Variants in DHX58 observed in about 807,000 individuals in gnomAD.
DHX58 encodes the protein DExH-box helicase 58.
In DHX58, 51 loss-of-function variants were observed where a neutral mutation model predicts 65.0. The observed-to-expected ratio is 0.78, with a 90% CI of 0.63 to 0.99. DHX58 has a LOEUF of 0.99. Ranked by LOEUF, DHX58 falls within the 50% of genes least tolerant of loss-of-function variation. DHX58 has a pLI of 0.00. For missense variants in DHX58, 773 were observed against 891.8 expected (o/e 0.87, Z 1.70); for synonymous variants, 350 against 365.0 (o/e 0.96, Z 0.47).
intron 11 of DHX58, 62 bp from the exon 12 acceptor site, chr17:42,103,860 A>C (rs2143987229): frequency 1.3e-6 from 2 of 1,520,564 alleles, no homozygotes; most frequent in East Asian, 4.5e-5. Flanking sequence ...TGGGGGACAA[A>C]AGGTTCCCAA....
chr17:42,111,987 A>C, intron 2 of DHX58, 94 bp from the exon 3 acceptor site: 4 of 1,445,118 alleles, frequency 2.8e-6, no homozygotes, highest in East Asian at 2.3e-5. Context: ...TTTGCCCAGG[A>C]CTCCACCCCA....
At position 42,102,324 on chromosome 17, in the gene DHX58, G is replaced by T; in HGVS notation, c.1755-12C>A. The T allele has an allele frequency of 6.2e-7, 1 of 1,611,226 alleles. No individual in the cohort carries two copies. Among genetic ancestry groups the T allele is most frequent in the Non-Finnish European group, 8.5e-7 (1 of 1,177,522 alleles). ...CATTATAGTAGTTCCTGGAGAGGAA[G>T]GGGGGTGGCCACAGCCCTCATTGAC... On this transcript the variant is annotated splice_polypyrimidine_tract_variant and intron_variant, in intron 12 of 13. Coordinates refer to ENST00000251642, the MANE Select transcript of DHX58 (RefSeq NM_024119.3).
chr17:42,103,631 A>G lies in DHX58; in HGVS notation c.1731T>C (p.His577=), dbSNP rs1555661945. ...SDLRKVEGTH[H]VNVNPNFSNY... Reference sequence around the variant, plus strand: ...ACGAGAAGTTGGGGTTCACATTGACATGGTGGGTGCCCTCCACCTTCCGCA... The same window carrying G: ...ACGAGAAGTTGGGGTTCACATTGACGTGGTGGGTGCCCTCCACCTTCCGCA... The change falls in exon 12 of 14, where the codon CAT becomes CAC. Residue 577 remains histidine, a synonymous_variant. Coordinates refer to ENST00000251642, the MANE Select transcript of DHX58 (RefSeq NM_024119.3). The G allele has an allele frequency of 6.2e-7, 1 of 1,613,926 alleles. No individual in the cohort carries two copies. The highest frequency in any genetic ancestry group is 2.2e-5 in the East Asian group (1 of 44,896).
intron 6 of DHX58, 85 bp from the exon 7 acceptor site, chr17:42,108,193 C>T: frequency 6.3e-7 from 1 of 1,588,174 alleles, no homozygotes; most frequent in Non-Finnish European, 8.6e-7. Flanking sequence ...GCGTGTAGCA[C>T]ACCGCGACTG....
At chr17:42,104,977 G>A in intron 10 of DHX58, 41 bp downstream of exon 10, 1 of 1,612,762 alleles carries the variant, frequency 6.2e-7, no homozygotes, top group South Asian at 1.1e-5. Flanking sequence ...GCCCCACACA[G>A]GATCCTATAA....
rs781908050 is a variant in DHX58 at position 42,107,799 on chromosome 17, C to A, written c.806-4G>T. On this transcript the variant is annotated splice_polypyrimidine_tract_variant and splice_region_variant and intron_variant, in intron 7 of 13. Transcript: ENST00000251642. ...TCCTGAAGCCCAGCCAAAGCCGCTG[C>A]GGGAAGAGGGCGCAGGGTCTGAGCA... 1 of 1,567,618 alleles carries A rather than the reference C, an allele frequency of 6.4e-7. No individual in the cohort carries two copies. The highest frequency in any genetic ancestry group is 2.3e-5 in the East Asian group (1 of 42,766).
rs1233362283 is a variant in DHX58, at chr17:42,111,400, C to T, written c.266G>A (p.Gly89Asp). Reference sequence around the variant, plus strand: ...ATGGCACCGGGCCAGGTGGCCAAAGCCAGCACGTGGTCCCATGTCCCCACT... The same window carrying T: ...ATGGCACCGGGCCAGGTGGCCAAAGTCAGCACGTGGTCCCATGTCCCCACT... ...TLSGDMGPRAGFGHLARCHDL... is the reference protein window; with the variant it reads ...TLSGDMGPRADFGHLARCHDL... Residue 89 changes from glycine (G) to aspartate (D), a missense_variant, in exon 4 of 14, where the codon GGC (glycine) becomes GAC (aspartate). Coordinates refer to ENST00000251642, the MANE Select transcript of DHX58 (RefSeq NM_024119.3). The T allele has an allele frequency of 6.2e-7, 1 of 1,614,088 alleles. No individual in the cohort carries two copies. Among genetic ancestry groups the T allele is most frequent in the African/African-American group, 1.3e-5 (1 of 74,944 alleles).
rs996683567 is a variant in DHX58 at position 42,102,270 on chromosome 17, T to A, written c.1797A>T (p.Lys599Asn). Residue 599 changes from lysine to asparagine, a missense_variant, in exon 13 of 14, where the codon AAA becomes AAT. Coordinates refer to ENST00000251642, the MANE Select transcript of DHX58 (RefSeq NM_024119.3). ...CCCCAGGCTTCCAGTCCTTGAAGAC[T>A]TTGTTGATGACCACAGGATCCCTGG... is the stretch of plus-strand genomic sequence containing the variant. ...NVSRDPVVIN[K>N]VFKDWKPGGV... is the part of the protein sequence containing the mutation. 6.2e-7 allele frequency: 1 copy of A among 1,614,046 alleles called. No individual in the cohort carries two copies. The highest frequency in any genetic ancestry group is 1.3e-5 in the African/African-American group (1 of 74,912).
intron 12 of DHX58, 93 bp from the exon 13 acceptor site, chr17:42,102,405 T>C: frequency 9.1e-7 from 1 of 1,096,730 alleles, no homozygotes; most frequent in East Asian, 2.4e-5. Context: ...GCCTGGACCT[T>C]GGGCCTTCCT....
Position 42,101,723 on chromosome 17 carries a change from C to T in DHX58, c.*38G>A. On this transcript the variant is annotated 3_prime_UTR_variant, in exon 14 of 14. Transcript: ENST00000251642. ...GGAGTCTGCTGCAGACTCTCCCGCC[C>T]CCTACAGCCCAAACCGGGCACTGCA... is the stretch of plus-strand genomic sequence containing the variant. The T allele has an allele frequency of 6.2e-7, 1 of 1,604,146 alleles. No homozygotes were observed.
chr17:42,106,016 G>A (rs532841654), intron 8 of DHX58, 27 bp from the exon 9 acceptor site: 3 of 1,597,966 alleles, frequency 1.9e-6, no homozygotes, highest in Admixed American at 3.4e-5. Flanking sequence ...AATTTAGCTG[G>A]GTGTAGTGGC....
At chr17:42,108,260 T>G (rs1598218776) in intron 6 of DHX58, 152 bp from the exon 7 acceptor site, 1 of 1,241,524 alleles carries the variant, frequency 8.1e-7, no homozygotes. Context: ...GGCTAGGGTG[T>G]GGGGGAGTCC....
chr17:42,101,675 G>T lies in DHX58; in HGVS notation c.*86C>A. The stretch of plus-strand genomic sequence containing the variant: ...GCTGGTGGGCCTGATGCCCACAGCT[G>T]ATGATTCAGGAAGGAGGGGCCTGGA... On this transcript the variant is annotated 3_prime_UTR_variant, in exon 14 of 14. Coordinates refer to ENST00000251642, the MANE Select transcript of DHX58 (RefSeq NM_024119.3). The T allele has an allele frequency of 6.5e-7, 1 of 1,529,244 alleles. No homozygotes were observed. The highest frequency in any genetic ancestry group is 8.9e-7 in the Non-Finnish European group (1 of 1,127,836). 94.7% of individuals were successfully genotyped at this position (1,529,244 alleles called of 1,614,324 possible).
In DHX58 at chr17:42,102,229, C is replaced by T. The variant is rs1296525755; in HGVS notation, c.1838G>A (p.Arg613Lys). The stretch of plus-strand genomic sequence containing the variant: ...CTAAGCTCTTACCTCCCCACAGTTC[C>T]TGCAGCTGATGACACCCCCAGGCTT... ...DWKPGGVISCRNCGEVWGLQM... is the reference protein window; with the variant it reads ...DWKPGGVISCKNCGEVWGLQM... Residue 613 changes from arginine to lysine, a missense_variant, in exon 13 of 14, where the codon AGG (arginine) becomes AAG (lysine). Transcript: ENST00000251642. 6.2e-7 allele frequency: 1 copy of T among 1,614,084 alleles called. No homozygotes were observed. The highest frequency in any genetic ancestry group is 8.5e-7 in the Non-Finnish European group (1 of 1,180,030).
intron 12 of DHX58, chr17:42,103,366 A>C: frequency 1.8e-6 from 1 of 547,514 alleles, no homozygotes; most frequent in Non-Finnish European, 3.2e-6. Context: ...TAGTATCCTG[A>C]ATTCCAGTTC....
Position 42,109,263 on chromosome 17 carries a change from C to G in DHX58, c.678+7G>C. The G allele has an allele frequency of 6.2e-7, 1 of 1,608,178 alleles. No individual in the cohort carries two copies. Among genetic ancestry groups the G allele is most frequent in the Non-Finnish European group, 8.5e-7 (1 of 1,176,728 alleles). ...CCCGCTCTCGCCGTGTCCCTGCCCCCGCGTACCTGGCTGCGCCTGTGGCAG... is the reference window on the plus strand; with the variant it reads ...CCCGCTCTCGCCGTGTCCCTGCCCCGGCGTACCTGGCTGCGCCTGTGGCAG... On this transcript the variant is annotated splice_region_variant and intron_variant, in intron 6 of 13. Transcript: ENST00000251642.
chr17:42,107,585 G>GCCCCC lies in DHX58; in HGVS notation c.997+14_997+18dup. On this transcript the variant is annotated intron_variant, in intron 8 of 13. Coordinates refer to ENST00000251642, the MANE Select transcript of DHX58 (RefSeq NM_024119.3). Reference sequence around the variant, plus strand: ...AGGTCCCATCATCCCCGGCCCCGAAGCCCCCTCCCGCCCCTCACCATCGAA... The same window carrying GCCCCC: ...AGGTCCCATCATCCCCGGCCCCGAAGCCCCCCCCCCTCCCGCCCCTCACCATCGAA... 2 of 1,193,364 alleles carry GCCCCC rather than the reference G, an allele frequency of 1.7e-6. No homozygotes were observed. The highest frequency in any genetic ancestry group is 2.3e-6 in the Non-Finnish European group (2 of 854,252). The allele number at this position is 1,193,364 out of a possible 1,614,324, so 73.9% of individuals were successfully genotyped here. A position where few individuals can be genotyped will look rare whatever the true frequency, so the allele number is the denominator to read the frequency against.
intron 12 of DHX58, 169 bp from the exon 13 acceptor site, chr17:42,102,481 G>A (rs924382283): frequency 1.5e-5 from 9 of 608,784 alleles, no homozygotes; most frequent in Non-Finnish European, 2.6e-5. Flanking sequence ...TACCTGTGTG[G>A]CCTCCATCGC....
chr17:42,110,044 G>A (rs1452232009), intron 5 of DHX58, among the ~76,000 whole-genome samples: 2 of 151,052 alleles, frequency 1.3e-5, no homozygotes, highest in Non-Finnish European at 1.5e-5. Flanking sequence ...AAAATTAGCT[G>A]GGCATAGTGG....
Sources: allele counts gnomAD v4.1 joint callset (sites outside exome capture counted in the v4.1 genomes callset), GRCh38; gene constraint gnomAD v4.1.1; transcripts MANE v1.5; gene names NCBI Gene and HGNC (gene_info 2026-07-23, HGNC 2026-07-21).